Variants in STAG2 observed in about 807,000 individuals in gnomAD.
STAG2 encodes STAG2 cohesin complex component.
STAG2 carries 14 observed loss-of-function variants against 108.1 expected under a neutral mutation model. That is an observed-to-expected ratio of 0.13 (90% CI 0.09 to 0.20). The LOEUF (loss-of-function observed/expected upper bound fraction) is 0.20. Ranked by LOEUF, STAG2 falls within the 10% of genes least tolerant of loss-of-function variation. The pLI is 1.00. For synonymous variants in STAG2, 307 were observed against 302.7 expected, an observed-to-expected ratio of 1.01 and a Z score of -0.15; for missense variants, 440 against 940.9, an observed-to-expected ratio of 0.47 and a Z score of 6.96.
chrX:124,053,288 T>G (rs1264774725), intron 13 of STAG2, among the ~76,000 whole-genome samples: 1 of 111,925 alleles, frequency 8.9e-6, no homozygotes, highest in Non-Finnish European at 1.9e-5. Flanking sequence ...TACCTAGAAA[T>G]AAGAAATCCA....
At chrX:124,066,499 C>T (rs767264721) in intron 23 of STAG2, 63 bp downstream of exon 23, 19 of 828,771 alleles carry the variant, frequency 2.3e-5, no homozygotes, top group Non-Finnish European at 3.2e-5. Context: ...TCAGCAAACT[C>T]ACACATTTAA....
intron 34 of STAG2, among the ~76,000 whole-genome samples, chrX:124,096,998 G>C (rs1380541195): frequency 9.0e-6 from 1 of 110,830 alleles, no homozygotes; most frequent in Non-Finnish European, 1.9e-5. Context: ...GGGCAACACA[G>C]TGAGACCCCA....
intron 23 of STAG2, among the ~76,000 whole-genome samples, chrX:124,067,863 C>G (rs1603102092): frequency 9.0e-6 from 1 of 110,680 alleles, no homozygotes; most frequent in African/African-American, 3.3e-5. Context: ...GAAACCTTGT[C>G]TCTATTAAAA....
chrX:124,027,536 T>G (rs1355542038), intron 4 of STAG2, among the ~76,000 whole-genome samples: 5 of 111,650 alleles, frequency 4.5e-5, no homozygotes, highest in Non-Finnish European at 9.4e-5. Flanking sequence ...AGTAGATGAC[T>G]CTGAAGTTTT....
chrX:124,096,455 A>T (rs1418620663), intron 34 of STAG2, among the ~76,000 whole-genome samples: 1 of 111,005 alleles, frequency 9.0e-6, no homozygotes, highest in Non-Finnish European at 1.9e-5. Context: ...TACCTGTGGA[A>T]TTTTTGCTGA....
rs2057839463 is a variant in STAG2 at position 124,045,241 on chromosome X, C to T, written c.540C>T (p.Gly180=). 3 of 1,209,743 alleles carry T rather than the reference C, an allele frequency of 2.5e-6. No homozygotes were observed. The highest frequency in any genetic ancestry group is 1.8e-5 in the South Asian group (1 of 56,885). The change falls in exon 8 of 35, where the codon GGC becomes GGT. Residue 180 remains glycine (G), a synonymous_variant. Transcript: ENST00000371145. ...KFKSSFCEFI[G]VLVRQCQYSI... is the part of the protein sequence containing the mutation. ...AATCCAGTTTTTGTGAATTCATTGG[C>T]GTGTTAGTACGGCAATGTCAATATA...
At chrX:123,976,007 G>A (rs374749023) in intron 1 of STAG2, among the ~76,000 whole-genome samples, 8 of 112,099 alleles carry the variant, frequency 7.1e-5, no homozygotes, top group Admixed American at 2.8e-4. Flanking sequence ...GGTTTCTGCC[G>A]GGAGCAGTGG....
intron 15 of STAG2, among the ~76,000 whole-genome samples, chrX:124,058,209 ATACAGTGGCGCCAT>A (rs1036174545): frequency 2.0e-5 from 2 of 99,744 alleles, no homozygotes; most frequent in Non-Finnish European, 4.0e-5. Flanking sequence ...CCAGGCTGGA[ATACAGTGGCGCCAT>A]CTTGGCTCAC....
intron 3 of STAG2, 114 bp downstream of exon 3, chrX:124,022,785 G>A (rs2056974076): frequency 9.0e-6 from 4 of 444,536 alleles, no homozygotes; most frequent in Non-Finnish European, 1.5e-5. Context: ...ATATAAAATA[G>A]CTTTTATGCT....
chrX:124,088,966 A>C (rs1423439257), intron 30 of STAG2, among the ~76,000 whole-genome samples: 1 of 88,662 alleles, frequency 1.1e-5, no homozygotes, highest in Admixed American at 1.4e-4. Flanking sequence ...CTGAGGCTGG[A>C]GTGCAGTGGT....
chrX:124,034,303 A>T (rs763704089), intron 5 of STAG2, among the ~76,000 whole-genome samples: 1 of 111,991 alleles, frequency 8.9e-6, no homozygotes, highest in East Asian at 2.8e-4. Flanking sequence ...AGTAAGTGGG[A>T]CTACAGGCAC....
At chrX:124,014,198 G>A (rs1205849030) in intron 1 of STAG2, among the ~76,000 whole-genome samples, 1 of 111,708 alleles carries the variant, frequency 9.0e-6, no homozygotes, top group Non-Finnish European at 1.9e-5. Context: ...AGTGTGTAGT[G>A]ATGCTGTATC....
At chrX:123,972,975 G>A (rs1461899836) in intron 1 of STAG2, among the ~76,000 whole-genome samples, 2 of 107,432 alleles carry the variant, frequency 1.9e-5, no homozygotes, top group African/African-American at 3.4e-5. Context: ...CTTGAGCCTG[G>A]GAGGCGGAGG....
At chrX:124,018,446 TTGGATGGATGGATGGA>T (rs59257430) in intron 1 of STAG2, among the ~76,000 whole-genome samples, 11 of 102,775 alleles carry the variant, frequency 1.1e-4, no homozygotes, top group African/African-American at 3.2e-4. Flanking sequence ...GGGAAACACA[TTGGATGGATGGATGGA>T]TGGATGGATG....
intron 1 of STAG2, among the ~76,000 whole-genome samples, chrX:123,968,245 A>G (rs1369561027): frequency 8.9e-6 from 1 of 112,313 alleles, no homozygotes; most frequent in Non-Finnish European, 1.9e-5. Flanking sequence ...AAATGTCATT[A>G]TATGGCACAT....
At chrX:124,029,174 G>A (rs1208926372) in intron 4 of STAG2, among the ~76,000 whole-genome samples, 52 of 106,605 alleles carry the variant, frequency 4.9e-4, no homozygotes, top group Non-Finnish European at 8.7e-4. Context: ...CTGCCACCAC[G>A]CCCAGCTAAT....
chrX:124,009,435 GTAGGTAGGTAGATAGATAGA>G (rs2056437125), intron 1 of STAG2, among the ~76,000 whole-genome samples: 1 of 71,198 alleles, frequency 1.4e-5, no homozygotes, highest in East Asian at 4.3e-4. Flanking sequence ...AGGTAGGTAG[GTAGGTAGGTAGATAGATAGA>G]TAGATAGATA....
At chrX:124,028,827 T>A (rs1179178291) in intron 4 of STAG2, among the ~76,000 whole-genome samples, 3 of 91,411 alleles carry the variant, frequency 3.3e-5, no homozygotes, top group African/African-American at 1.2e-4. Context: ...TATATATTTT[T>A]TTTTTTATAG....
In STAG2 at chrX:124,037,571, T is replaced by C; in HGVS notation, c.333T>C (p.Asp111=). The C allele has an allele frequency of 8.4e-7, 1 of 1,192,567 alleles. No individual in the cohort carries two copies. Among genetic ancestry groups the C allele is most frequent in the Middle Eastern group, 2.3e-4 (1 of 4,261 alleles). ...TAGAATCATACAAGCATGACCGAGA[T>C]ATAGCACTTCTTGACCTTATCAACT... ...DWIESYKHDR[D]IALLDLINFF... is the part of the protein sequence containing the mutation. The change falls in exon 6 of 35, where the codon GAT becomes GAC. Residue 111 remains aspartate (D), a synonymous_variant. Transcript: ENST00000371145.
Sources: allele counts gnomAD v4.1 joint callset (sites outside exome capture counted in the v4.1 genomes callset), GRCh38; gene constraint gnomAD v4.1.1; transcripts MANE v1.5; gene names NCBI Gene and HGNC (gene_info 2026-07-23, HGNC 2026-07-21).